Variants in FMN2 observed in about 807,000 individuals in gnomAD.
The protein encoded by FMN2 is formin-2.
A neutral mutation model predicts 142.3 loss-of-function variants in FMN2; 51 were observed. That is an observed-to-expected ratio of 0.36 (90% confidence interval 0.29 to 0.45). The LOEUF (loss-of-function observed/expected upper bound fraction) is 0.45, where lower values mean the gene tolerates loss of function less well. Among genes scored for constraint, FMN2 ranks in the 20% least tolerant of loss-of-function variants. FMN2 has a pLI of 1.00. For synonymous variants in FMN2, 882 were observed against 869.8 expected (o/e 1.01, Z -0.25); for missense variants, 1,936 against 2,122.8 (o/e 0.91, Z 1.73).
At chr1:240,281,485 C>A (rs74714433) in intron 7 of FMN2, among the ~76,000 whole-genome samples, 1 of 151,952 alleles carries the variant, frequency 6.6e-6, no homozygotes, top group African/African-American at 2.4e-5. Flanking sequence ...ATCCTCAGGG[C>A]GGACAAGAGT....
intron 6 of FMN2, among the ~76,000 whole-genome samples, chr1:240,236,425 C>T (rs1667712922): frequency 6.6e-6 from 1 of 152,198 alleles, no homozygotes. Flanking sequence ...AATCATTAGA[C>T]TTTTTGAAAA....
Position 240,340,436 on chromosome 1 carries a change from C to G in FMN2, c.4765+6207C>G, listed in dbSNP as rs1236641682. On this transcript the variant is annotated intron_variant, in intron 13 of 17. Coordinates refer to ENST00000319653, the MANE Select transcript of FMN2 (RefSeq NM_020066.5). ...TCTCTACTAAAAATATAAAAATGAA[C>G]CGGGCATGGTGGTGGGCGCCTGTAA... is the stretch of plus-strand genomic sequence containing the variant. 2.0e-5 allele frequency among the ~76,000 whole-genome samples: 3 copies of G among 151,988 alleles called. No individual in the cohort carries two copies. In the East Asian group the frequency reaches 5.8e-4, roughly 29 times the overall value.
intron 8 of FMN2, among the ~76,000 whole-genome samples, chr1:240,301,579 A>G (rs936025702): frequency 1.3e-5 from 2 of 151,464 alleles, no homozygotes; most frequent in African/African-American, 4.8e-5. Context: ...ATTTTCTTTC[A>G]TCTTAGAATT....
chr1:240,313,720 C>G (rs1670669053), intron 8 of FMN2, among the ~76,000 whole-genome samples: 1 of 152,108 alleles, frequency 6.6e-6, no homozygotes, highest in African/African-American at 2.4e-5. Context: ...GTAATCCCAG[C>G]ACTTTGGGAG....
At chr1:240,200,518 T>C (rs1335818391) in intron 4 of FMN2, among the ~76,000 whole-genome samples, 1 of 152,170 alleles carries the variant, frequency 6.6e-6, no homozygotes, top group Non-Finnish European at 1.5e-5. Flanking sequence ...GACTCTCAGC[T>C]AAATTCAGAG....
In FMN2 at chr1:240,305,872, G is replaced by A. The variant is rs189876306; in HGVS notation, c.4215+10989G>A. 2.3e-3 allele frequency among the ~76,000 whole-genome samples: 352 copies of A among 151,898 alleles called. 3 individuals carry two copies. Among genetic ancestry groups the A allele is most frequent in the African/African-American group, 8.1e-3 (335 of 41,426 alleles). On this transcript the variant is annotated intron_variant, in intron 8 of 17. Transcript: ENST00000319653. ...TAGTGTAGCATCATTATTGTAATAG[G>A]ATATAAACCATTATAAGGTCAGCAT...
intron 8 of FMN2, among the ~76,000 whole-genome samples, chr1:240,310,974 A>G (rs1209875890): frequency 6.6e-6 from 1 of 152,180 alleles, no homozygotes; most frequent in Non-Finnish European, 1.5e-5. Flanking sequence ...CAAAACCTGG[A>G]CATGAATACT....
In FMN2 at chr1:240,143,793, A is replaced by G. The variant is rs1663299831; in HGVS notation, c.1782+20448A>G. 5.3e-6 allele frequency: 8 copies of G among 1,509,728 alleles called. No individual in the cohort carries two copies. In the South Asian group the frequency reaches 9.0e-5, roughly 17 times the overall value. The allele number at this position is 1,509,728 out of a possible 1,614,324, so 93.5% of individuals were successfully genotyped here. ...GTGGAAGTTACATCTCCATTGCAGG[A>G]CCCCACTGCTATCATTCCACAGGCT... On this transcript the variant is annotated intron_variant, in intron 2 of 17. Coordinates refer to ENST00000319653, the MANE Select transcript of FMN2 (RefSeq NM_020066.5).
intron 16 of FMN2, among the ~76,000 whole-genome samples, chr1:240,465,273 G>T (rs1676574006): frequency 7.1e-6 from 1 of 140,936 alleles, no homozygotes; most frequent in Non-Finnish European, 1.5e-5. Flanking sequence ...ACCAGCCTTT[G>T]TCTAGAATCT....
At chr1:240,264,487 C>A (rs1668730820) in intron 7 of FMN2, among the ~76,000 whole-genome samples, 1 of 152,062 alleles carries the variant, frequency 6.6e-6, no homozygotes, top group African/African-American at 2.4e-5. Context: ...ACCCATCAAT[C>A]TGTCATCTAC....
intron 14 of FMN2, among the ~76,000 whole-genome samples, chr1:240,370,598 C>T (rs910308963): frequency 3.3e-5 from 5 of 152,154 alleles, no homozygotes; most frequent in African/African-American, 9.7e-5. Flanking sequence ...TTCTCCCATA[C>T]CCTTGCCATC....
At position 240,234,651 on chromosome 1, in the gene FMN2, C is replaced by G. The variant is rs150779035; in HGVS notation, c.4066-23294C>G. On this transcript the variant is annotated intron_variant, in intron 6 of 17. Transcript: ENST00000319653. Reference sequence around the variant, plus strand: ...CTTTCTGTCATCACCACCAACCCCCCCACTACAAATGTGTGTATCAGCCTC... The same window carrying G: ...CTTTCTGTCATCACCACCAACCCCCGCACTACAAATGTGTGTATCAGCCTC... 6.6e-5 allele frequency among the ~76,000 whole-genome samples: 10 copies of G among 152,250 alleles called. No homozygotes were observed. The South Asian group carries it at 1.9e-3, about 28-fold the overall frequency.
intron 3 of FMN2, among the ~76,000 whole-genome samples, chr1:240,185,624 G>A (rs1017798847): frequency 1.3e-5 from 2 of 152,194 alleles, no homozygotes; most frequent in Non-Finnish European, 2.9e-5. Flanking sequence ...TTTACCATCA[G>A]AGCCCAGAAG....
intron 16 of FMN2, among the ~76,000 whole-genome samples, chr1:240,444,447 CATT>C (rs1675737522): frequency 6.6e-6 from 1 of 152,146 alleles, no homozygotes; most frequent in Non-Finnish European, 1.5e-5. Context: ...TGTGGCCTAT[CATT>C]ATTTCATTTT....
rs145539243 is a variant in FMN2 at position 240,315,642 on chromosome 1, G to C, written c.4216-13434G>C. On this transcript the variant is annotated intron_variant, in intron 8 of 17. Coordinates refer to ENST00000319653, the MANE Select transcript of FMN2 (RefSeq NM_020066.5). Reference sequence around the variant, plus strand: ...TTCAGCCATTGGATATACAACTTTAGGTTGCTATGGTATATTTGATCATTC... The same window carrying C: ...TTCAGCCATTGGATATACAACTTTACGTTGCTATGGTATATTTGATCATTC... Among the ~76,000 whole-genome samples, 14 of 152,236 alleles carry C rather than the reference G, an allele frequency of 9.2e-5. No homozygotes were observed. In the East Asian group the frequency reaches 2.7e-3, roughly 29 times the overall value.
intron 15 of FMN2, among the ~76,000 whole-genome samples, chr1:240,429,888 T>G (rs1485306335): frequency 3.6e-5 from 5 of 137,600 alleles, no homozygotes; most frequent in African/African-American, 1.8e-4. Flanking sequence ...TTTTTTGTTT[T>G]TTTTTTGTTT....
At chr1:240,358,305 A>AT (rs1271161898) in intron 14 of FMN2, among the ~76,000 whole-genome samples, 5 of 152,310 alleles carry the variant, frequency 3.3e-5, no homozygotes, top group African/African-American at 1.2e-4. Context: ...ACAACAGAAA[A>AT]TTTTTTGGAA....
intron 13 of FMN2, among the ~76,000 whole-genome samples, chr1:240,337,064 G>C (rs1025539187): frequency 6.6e-6 from 1 of 151,984 alleles, no homozygotes; most frequent in South Asian, 2.1e-4. Context: ...AGGAACGAGA[G>C]GGATATAAAT....
At chr1:240,449,277 G>C (rs920575476) in intron 16 of FMN2, among the ~76,000 whole-genome samples, 3 of 152,040 alleles carry the variant, frequency 2.0e-5, no homozygotes, top group Non-Finnish European at 4.4e-5. Flanking sequence ...ATGCCCCCTG[G>C]TACCCACTTT....
Sources: allele counts gnomAD v4.1 joint callset (sites outside exome capture counted in the v4.1 genomes callset), GRCh38; gene constraint gnomAD v4.1.1; transcripts MANE v1.5; gene names NCBI Gene and HGNC (gene_info 2026-07-23, HGNC 2026-07-21).